Variants in UGGT2 observed in about 807,000 individuals in gnomAD.
The protein encoded by UGGT2 is UDP-glucose glycoprotein glucosyltransferase 2.
Under a neutral mutation model 192.1 loss-of-function variants are expected in UGGT2, and 180 were observed. The ratio of observed to expected loss-of-function variants is 0.94; its 90% CI spans 0.83 to 1.06. The LOEUF (loss-of-function observed/expected upper bound fraction) is 1.06. UGGT2 is among the 50% of genes least tolerant of loss of function. The pLI is 0.00. For synonymous variants in UGGT2, 580 were observed against 591.0 expected (o/e 0.98, Z 0.27); for missense variants, 1,849 against 1,795.7 (o/e 1.03, Z -0.54).
At chr13:95,856,613 A>C in intron 33 of UGGT2, 1 of 437,408 alleles carries the variant, frequency 2.3e-6, no homozygotes, top group Non-Finnish European at 4.2e-6. Context: ...TGGAAGATAA[A>C]TGTTCCCATA....
chr13:96,049,313 T>C (rs1217896369), intron 1 of UGGT2, among the ~76,000 whole-genome samples: 2 of 152,156 alleles, frequency 1.3e-5, no homozygotes, highest in Non-Finnish European at 2.9e-5. Context: ...AAATTAGGTA[T>C]TGATGGGACA....
At chr13:96,017,589 A>G (rs1461732908) in intron 4 of UGGT2, among the ~76,000 whole-genome samples, 1 of 152,234 alleles carries the variant, frequency 6.6e-6, no homozygotes. Flanking sequence ...AAATCGGTAC[A>G]TACCAGTAAT....
At position 95,925,755 on chromosome 13, in the gene UGGT2, T is replaced by C. The variant is rs765101997; in HGVS notation, c.2220A>G (p.Ala740=). The C allele has an allele frequency of 1.3e-6, 2 of 1,557,042 alleles. No homozygotes were observed. The highest frequency in any genetic ancestry group is 1.7e-6 in the Non-Finnish European group (2 of 1,148,162). ...LTQDDESIIS[A]VTLWIIADFD... The stretch of plus-strand genomic sequence containing the variant: ...AATCTGCAATAATCCAGAGAGTGAC[T>C]GCAGAAATTATACTCTCATCTGAAA... Residue 740 remains alanine (A), a synonymous_variant, in exon 20 of 39, where the codon GCA becomes GCG. Transcript: ENST00000376747.
Position 95,927,353 on chromosome 13 carries a change from G to A in UGGT2, c.1978-17C>T, listed in dbSNP as rs1340353176. The A allele has an allele frequency of 1.3e-6, 2 of 1,585,404 alleles. No homozygotes were observed. Among genetic ancestry groups the A allele is most frequent in the Non-Finnish European group, 1.7e-6 (2 of 1,169,278 alleles). ...TAATGTGCCCTAAAAAAACAAAAATGTTATTTAGATAATACAGGCAATTTA... is the reference window on the plus strand; with the variant it reads ...TAATGTGCCCTAAAAAAACAAAAATATTATTTAGATAATACAGGCAATTTA... On this transcript the variant is annotated splice_polypyrimidine_tract_variant and intron_variant, in intron 17 of 38. Coordinates refer to ENST00000376747, the MANE Select transcript of UGGT2 (RefSeq NM_020121.4).
intron 38 of UGGT2, among the ~76,000 whole-genome samples, chr13:95,812,745 T>C (rs1884643159): frequency 6.6e-6 from 1 of 152,030 alleles, no homozygotes; most frequent in South Asian, 2.1e-4. Context: ...GTGTGTGGTA[T>C]ACTGTACCCA....
chr13:95,930,037 T>C (rs1184606678), intron 17 of UGGT2, among the ~76,000 whole-genome samples: 2 of 152,244 alleles, frequency 1.3e-5, no homozygotes, highest in African/African-American at 4.8e-5. Context: ...GGATTAGTAG[T>C]GTTGAACATT....
chr13:95,859,614 T>A lies in UGGT2; in HGVS notation c.3802A>T (p.Asn1268Tyr), dbSNP rs45473699. 44,037 of 1,610,138 alleles carry A rather than the reference T, an allele frequency of 0.027. 713 individuals carry two copies. The highest frequency in any genetic ancestry group is 0.033 in the Non-Finnish European group (38,619 of 1,177,768). Reference sequence around the variant, plus strand: ...ACTTTAAATGTCGGTGAGAGATAATTTTTTAGCAACCAGAATTTCACTGGT... The same window carrying A: ...ACTTTAAATGTCGGTGAGAGATAATATTTTAGCAACCAGAATTTCACTGGT... ...KTPVKFWLLK[N>Y]YLSPTFKEVI... The change falls in exon 33 of 39, where the codon AAT becomes TAT. Residue 1268 changes from asparagine to tyrosine, a missense_variant. Transcript: ENST00000376747.
chr13:95,868,238 A>G (rs1435952801), intron 29 of UGGT2, among the ~76,000 whole-genome samples: 1 of 152,138 alleles, frequency 6.6e-6, no homozygotes, highest in Non-Finnish European at 1.5e-5. Context: ...CTTACTCCCA[A>G]TTCCTGAGCT....
At chr13:96,044,340 C>G (rs765295770) in intron 1 of UGGT2, among the ~76,000 whole-genome samples, 1 of 152,080 alleles carries the variant, frequency 6.6e-6, no homozygotes, top group Non-Finnish European at 1.5e-5. Context: ...CTATCAAAAC[C>G]TCTGGGATAC....
intron 34 of UGGT2, among the ~76,000 whole-genome samples, chr13:95,855,778 G>T (rs1020556406): frequency 1.3e-5 from 2 of 152,140 alleles, no homozygotes; most frequent in Admixed American, 6.5e-5. Flanking sequence ...AATGAGAGTT[G>T]TATGTAACTG....
At chr13:95,856,964 C>G (rs1297035560) in intron 33 of UGGT2, among the ~76,000 whole-genome samples, 1 of 151,630 alleles carries the variant, frequency 6.6e-6, no homozygotes, top group Non-Finnish European at 1.5e-5. Flanking sequence ...ATACTGTGGG[C>G]TAAATTTAGT....
At chr13:96,020,229 T>C (rs1301612825) in intron 4 of UGGT2, among the ~76,000 whole-genome samples, 2 of 152,124 alleles carry the variant, frequency 1.3e-5, no homozygotes, top group African/African-American at 4.8e-5. Context: ...AAGGCCTCCA[T>C]GGGTCAGGCA....
rs768516941 is a variant in UGGT2, at chr13:95,927,230, T to C, written c.2084A>G (p.Asn695Ser). ...TATTTTACCTGATGTAGATATTAAATTGAGGTACTGCTGGTTAGTACGCAA... is the reference window on the plus strand; with the variant it reads ...TATTTTACCTGATGTAGATATTAAACTGAGGTACTGCTGGTTAGTACGCAA... Reference protein sequence around the residue: ...LILRTNQQYLNLISTSVTADV... With the variant: ...LILRTNQQYLSLISTSVTADV... The change falls in exon 18 of 39, where the codon AAT becomes AGT. Residue 695 changes from asparagine to serine, a missense_variant. Physicochemically the swap from Asn to Ser is conservative, Grantham distance 46. Coordinates refer to ENST00000376747, the MANE Select transcript of UGGT2 (RefSeq NM_020121.4). 4 of 1,611,816 alleles carry C rather than the reference T, an allele frequency of 2.5e-6. No individual in the cohort carries two copies. Among genetic ancestry groups the C allele is most frequent in the Admixed American group, 3.3e-5 (2 of 59,908 alleles).
chr13:95,929,001 C>T (rs994178516), intron 17 of UGGT2, among the ~76,000 whole-genome samples: 12 of 152,132 alleles, frequency 7.9e-5, no homozygotes, highest in South Asian at 4.1e-4. Context: ...GAGACCAGCC[C>T]GGCCAACACA....
chr13:95,950,910 A>T (rs2050040489), intron 12 of UGGT2, among the ~76,000 whole-genome samples: 1 of 152,146 alleles, frequency 6.6e-6, no homozygotes, highest in Non-Finnish European at 1.5e-5. Context: ...AACCAAACAA[A>T]GTGTGAGAGA....
chr13:95,928,383 T>TGCC (rs1211860218), intron 17 of UGGT2, among the ~76,000 whole-genome samples: 33 of 85,212 alleles, frequency 3.9e-4, no homozygotes, highest in East Asian at 3.3e-3. Flanking sequence ...GCGGAGACGC[T>TGCC]CCTCACTTCC....
chr13:96,009,265 T>G (rs2052079920), intron 5 of UGGT2, among the ~76,000 whole-genome samples: 1 of 152,130 alleles, frequency 6.6e-6, no homozygotes, highest in South Asian at 2.1e-4. Context: ...GAAATACCAT[T>G]CTGGACATGG....
chr13:95,851,887 G>C (rs1228808302), intron 36 of UGGT2, among the ~76,000 whole-genome samples: 2 of 151,704 alleles, frequency 1.3e-5, no homozygotes, highest in African/African-American at 4.8e-5. Context: ...TCATATTTAA[G>C]ACTAAGAATT....
intron 20 of UGGT2, among the ~76,000 whole-genome samples, chr13:95,914,612 TAAAAAAAAAAAAAAAAAAAAA>T (rs146990164): frequency 1.5e-4 from 12 of 81,022 alleles, no homozygotes; most frequent in East Asian, 4.0e-4. Context: ...CCATCTCTAC[TAAAAAAAAAAAAAAAAAAAAA>T]AAAAAAAAAA....
Sources: gnomAD v4.1 joint callset for allele counts (sites outside exome capture counted in the v4.1 genomes callset) on GRCh38, gnomAD v4.1.1 for gene constraint, MANE v1.5 for transcripts, NCBI Gene and HGNC (gene_info 2026-07-23, HGNC 2026-07-21) for gene names.